The following ANKS1A variants were observed in gnomAD, a reference collection of about 807,000 sequenced individuals.
ANKS1A encodes the protein ankyrin repeat and sterile alpha motif domain containing 1A.
A neutral mutation model predicts 120.3 loss-of-function variants in ANKS1A; 55 were observed. The observed-to-expected ratio is 0.46, with a 90% CI of 0.37 to 0.57. The LOEUF (loss-of-function observed/expected upper bound fraction) is 0.57, where lower values mean the gene tolerates loss of function less well. Among genes scored for constraint, ANKS1A ranks in the 20% least tolerant of loss-of-function variants. ANKS1A has a pLI of 0.00. For missense variants in ANKS1A, 1,123 were observed against 1,480.3 expected (o/e 0.76, Z 3.96); for synonymous variants, 590 against 604.7 (o/e 0.98, Z 0.36).
rs1353151733 is a variant in ANKS1A, at chr6:35,020,674, G to C, written c.2010+2615G>C. On this transcript the variant is annotated intron_variant, in intron 11 of 23. Coordinates refer to ENST00000360359, the MANE Select transcript of ANKS1A (RefSeq NM_015245.3). Reference sequence around the variant, plus strand: ...TCTGGGCAGCCTTATGGGCTCCACTGTTTCCTCCTGGCCAAGAAATACAAA... The same window carrying C: ...TCTGGGCAGCCTTATGGGCTCCACTCTTTCCTCCTGGCCAAGAAATACAAA... Among the ~76,000 whole-genome samples, 6 of 152,178 alleles carry C rather than the reference G, an allele frequency of 3.9e-5. No individual in the cohort carries two copies. In the East Asian group the frequency reaches 1.2e-3, roughly 29 times the overall value.
At chr6:34,967,543 T>C (rs570851789) in intron 2 of ANKS1A, among the ~76,000 whole-genome samples, 1 of 149,956 alleles carries the variant, frequency 6.7e-6, no homozygotes, top group Admixed American at 6.6e-5. Flanking sequence ...AAAAAAAAAT[T>C]TTTTTAATTA....
chr6:35,046,224 G>C (rs1228625963), intron 11 of ANKS1A, among the ~76,000 whole-genome samples: 1 of 152,126 alleles, frequency 6.6e-6, no homozygotes, highest in Non-Finnish European at 1.5e-5. Context: ...CAAGTCTGGG[G>C]TTAGCCTGGG....
At chr6:35,012,521 C>G (rs1431298787) in intron 10 of ANKS1A, among the ~76,000 whole-genome samples, 1 of 152,192 alleles carries the variant, frequency 6.6e-6, no homozygotes, top group Admixed American at 6.5e-5. Context: ...GACACTGGGT[C>G]CCCCAGCCTT....
At chr6:34,912,310 G>A (rs1256067811) in intron 1 of ANKS1A, among the ~76,000 whole-genome samples, 2 of 152,244 alleles carry the variant, frequency 1.3e-5, no homozygotes, top group East Asian at 3.9e-4. Context: ...ATTTTTCATT[G>A]ATACCTGTGT....
intron 1 of ANKS1A, among the ~76,000 whole-genome samples, chr6:34,892,459 C>A (rs1272059262): frequency 1.3e-5 from 2 of 152,064 alleles, no homozygotes; most frequent in African/African-American, 4.8e-5. Flanking sequence ...ATATTCTACC[C>A]CTATTTGTAC....
At chr6:35,006,182 T>C (rs35576171) in intron 10 of ANKS1A, among the ~76,000 whole-genome samples, 21,016 of 89,354 alleles carry the variant, frequency 0.24, 2,032 homozygotes, top group African/African-American at 0.3. Flanking sequence ...AGCAAGACTC[T>C]GTCTTAAAAA....
At chr6:35,062,878 A>G (rs765588812) in intron 13 of ANKS1A, among the ~76,000 whole-genome samples, 25 of 152,154 alleles carry the variant, frequency 1.6e-4, no homozygotes, top group Non-Finnish European at 3.2e-4. Flanking sequence ...CATTCTTTAT[A>G]TTGAGTCAAA....
At chr6:34,984,054 A>G (rs1203509727) in intron 7 of ANKS1A, among the ~76,000 whole-genome samples, 2 of 152,126 alleles carry the variant, frequency 1.3e-5, no homozygotes, top group Non-Finnish European at 2.9e-5. Context: ...TCAGCTTCCC[A>G]AAGTTCTGGG....
chr6:34,982,131 G>C lies in ANKS1A; in HGVS notation c.732+145G>C, dbSNP rs1231763779. The C allele has an allele frequency of 4.8e-6, 5 of 1,051,828 alleles. No individual in the cohort carries two copies. The East Asian group carries it at 1.3e-4, about 27-fold the overall frequency. 65.2% of individuals were successfully genotyped at this position (1,051,828 alleles called of 1,614,324 possible). A position where few individuals can be genotyped will look rare whatever the true frequency, so the allele number is the denominator to read the frequency against. Reference sequence around the variant, plus strand: ...TGCTTATTTGCCGACTCATTCTAATGTGACACTAAGAAACAAATGAACTCC... The same window carrying C: ...TGCTTATTTGCCGACTCATTCTAATCTGACACTAAGAAACAAATGAACTCC... On this transcript the variant is annotated intron_variant, in intron 4 of 23. Transcript: ENST00000360359. This position sits in a 1 kb window ranked among gnomAD's most constrained non-coding sequence, Gnocchi z 4.9.
In ANKS1A at chr6:35,085,778, G is replaced by C; in HGVS notation, c.3145G>C (p.Glu1049Gln). The C allele has an allele frequency of 6.3e-7, 1 of 1,594,064 alleles. No individual in the cohort carries two copies. The highest frequency in any genetic ancestry group is 1.4e-5 in the African/African-American group (1 of 74,000). Reference sequence around the variant, plus strand: ...TGCTTCCTCCCAGAACCTGACCTACGAGATCATCCTGACGCTGGGGCAGGC... The same window carrying C: ...TGCTTCCTCCCAGAACCTGACCTACCAGATCATCCTGACGCTGGGGCAGGC... ...FSTVDVNLTY[E>Q]IILTLGQAFE... is the part of the protein sequence containing the mutation. Residue 1049 changes from glutamate to glutamine, a missense_variant, in exon 22 of 24, where the codon GAG becomes CAG. Glu to Gln is a conservative substitution (Grantham distance 29). This residue lies in a region of ANKS1A where 904 missense variants were observed against 1,130.4 expected (regional missense o/e 0.80). Coordinates refer to ENST00000360359, the MANE Select transcript of ANKS1A (RefSeq NM_015245.3). The surrounding 1 kb of genome is among the most constrained non-coding windows in gnomAD (Gnocchi z 4.7).
At chr6:34,943,842 T>C (rs1345531716) in intron 1 of ANKS1A, among the ~76,000 whole-genome samples, 1 of 152,254 alleles carries the variant, frequency 6.6e-6, no homozygotes, top group Non-Finnish European at 1.5e-5. Context: ...CAGTTATGAA[T>C]AGAGCTGCTA....
At chr6:35,022,705 A>T (rs552128230) in intron 11 of ANKS1A, among the ~76,000 whole-genome samples, 2 of 152,346 alleles carry the variant, frequency 1.3e-5, no homozygotes, top group East Asian at 3.9e-4. Flanking sequence ...ATAAAATTTT[A>T]AAAATATACA....
intron 1 of ANKS1A, among the ~76,000 whole-genome samples, chr6:34,962,735 G>A (rs1170447867): frequency 2.6e-5 from 4 of 151,542 alleles, no homozygotes; most frequent in Non-Finnish European, 4.4e-5. Flanking sequence ...GTTGCAGTGA[G>A]CCGAGATCCC....
At chr6:34,904,794 CTTTTCTTTTCTTTT>C (rs1049525635) in intron 1 of ANKS1A, among the ~76,000 whole-genome samples, 1 of 152,056 alleles carries the variant, frequency 6.6e-6, no homozygotes, top group African/African-American at 2.4e-5. Context: ...TTCTGATTTT[CTTTTCTTTTCTTTT>C]TTTTCTTTTC....
chr6:35,034,988 G>T (rs1775088510), intron 11 of ANKS1A, among the ~76,000 whole-genome samples: 5 of 152,252 alleles, frequency 3.3e-5, no homozygotes, highest in Admixed American at 3.3e-4. Context: ...GATAGCCTGT[G>T]GGACTCATTA....
intron 10 of ANKS1A, among the ~76,000 whole-genome samples, chr6:35,005,007 A>G (rs914054433): frequency 1.3e-5 from 2 of 152,228 alleles, no homozygotes; most frequent in African/African-American, 4.8e-5. Context: ...CTTGGTCCTT[A>G]AAATCTAGCT....
chr6:35,027,343 A>G (rs1212247848), intron 11 of ANKS1A, among the ~76,000 whole-genome samples: 1 of 152,188 alleles, frequency 6.6e-6, no homozygotes, highest in Non-Finnish European at 1.5e-5. Flanking sequence ...AGCCAGGCCC[A>G]TAGGTAATTA....
At chr6:34,903,736 C>T (rs571902209) in intron 1 of ANKS1A, among the ~76,000 whole-genome samples, 30 of 152,226 alleles carry the variant, frequency 2.0e-4, no homozygotes, top group African/African-American at 6.7e-4. Flanking sequence ...AGGATGGTCT[C>T]GATCTCCTGA....
In ANKS1A at chr6:35,086,996, T is replaced by C; in HGVS notation, c.3348T>C (p.Ser1116=). ...ACCAAGATGCCCAATCCCATGCCAGTGTCTCCTGGGTTGTGGACCCCAAAC... is the reference window on the plus strand; with the variant it reads ...ACCAAGATGCCCAATCCCATGCCAGCGTCTCCTGGGTTGTGGACCCCAAAC... The part of the protein sequence containing the change: ...DMDQDAQSHA[S]VSWVVDPKPD... Residue 1116 remains serine, a synonymous_variant, in exon 23 of 24, where the codon AGT becomes AGC. Coordinates refer to ENST00000360359, the MANE Select transcript of ANKS1A (RefSeq NM_015245.3). The surrounding 1 kb of genome is among the most constrained non-coding windows in gnomAD (Gnocchi z 5.1). 1.2e-6 allele frequency: 2 copies of C among 1,614,196 alleles called. No homozygotes were observed. The highest frequency in any genetic ancestry group is 1.1e-5 in the South Asian group (1 of 91,082).
Sources: allele counts gnomAD v4.1 joint callset (sites outside exome capture counted in the v4.1 genomes callset), GRCh38; gene constraint gnomAD v4.1.1; regional missense constraint gnomAD v4.1.1; non-coding constraint Gnocchi (gnomAD v3.1); transcripts MANE v1.5; gene names NCBI Gene and HGNC (gene_info 2026-07-23, HGNC 2026-07-21).